The following PFKFB3 variants were observed in gnomAD, a reference collection of about 807,000 sequenced individuals.
PFKFB3 encodes the protein 6-phosphofructo-2-kinase/fructose-2,6-biphosphatase 3.
In PFKFB3, 33 loss-of-function variants were observed where a neutral mutation model predicts 68.0. The observed-to-expected ratio is 0.49, with a 90% CI of 0.37 to 0.65. The LOEUF is 0.65. PFKFB3 is among the 30% of genes least tolerant of loss of function. The pLI is 0.00. For synonymous variants in PFKFB3, 315 were observed against 288.2 expected (o/e 1.09, Z -0.94); for missense variants, 586 against 712.2 (o/e 0.82, Z 2.02).
intron 1 of PFKFB3, among the ~76,000 whole-genome samples, chr10:6,148,323 C>G (rs1841463345): frequency 2.0e-5 from 3 of 152,228 alleles, no homozygotes; most frequent in Admixed American, 2.0e-4. Flanking sequence ...AGAATGGAGC[C>G]AGAGGGACTT....
At chr10:6,280,522 G>A in the PFKFB3 span, among the ~76,000 whole-genome samples, 12 of 152,206 alleles carry the variant, frequency 7.9e-5, no homozygotes, top group African/African-American at 2.9e-4. Context: ...ATCGTGTAAT[G>A]TCTTTTGTCA....
At chr10:6,218,874 C>G (rs538684175) in intron 6 of PFKFB3, among the ~76,000 whole-genome samples, 3 of 152,198 alleles carry the variant, frequency 2.0e-5, no homozygotes, top group Non-Finnish European at 4.4e-5. Context: ...CCGACTGACT[C>G]GATCTTTGAA....
intron 13 of PFKFB3, chr10:6,224,678 G>C (rs763386508): frequency 3.0e-6 from 1 of 334,058 alleles, no homozygotes; most frequent in African/African-American, 2.2e-5. Context: ...TAGATAATGG[G>C]GTCTCACTGT....
chr10:6,175,469 G>A (rs1842435785), intron 1 of PFKFB3, among the ~76,000 whole-genome samples: 1 of 152,242 alleles, frequency 6.6e-6, no homozygotes, highest in African/African-American at 2.4e-5. Context: ...ATCCCCGTAT[G>A]ACAGATGGCA....
the PFKFB3 span, among the ~76,000 whole-genome samples, chr10:6,260,136 G>A: frequency 9.5e-4 from 145 of 152,202 alleles, 1 homozygote; most frequent in East Asian, 0.026. Context: ...AACATTGGCC[G>A]GGCACGGTGG....
intron 1 of PFKFB3, among the ~76,000 whole-genome samples, chr10:6,160,429 A>G (rs188282524): frequency 2.0e-5 from 3 of 152,344 alleles, no homozygotes; most frequent in Non-Finnish European, 2.9e-5. Context: ...TTACAAGATC[A>G]GCAGTTTCCT....
rs149440067 is a variant in PFKFB3 at position 6,251,893 on chromosome 10, G to A, written c.1516-2285G>A. Among the ~76,000 whole-genome samples, 721 of 152,198 alleles carry A rather than the reference G, an allele frequency of 4.7e-3. 6 individuals carry two copies. The highest frequency in any genetic ancestry group is 0.016 in the African/African-American group (683 of 41,506). On this transcript the variant is annotated intron_variant, in intron 14 of 14. Coordinates refer to the PFKFB3 transcript ENST00000640683. ...TGAGCCAGGAGAATCACTTGAACCC[G>A]GAAGGTGGAAATTGCAGTGAGCCAA... is the stretch of plus-strand genomic sequence containing the variant.
chr10:6,217,425 G>C (rs1185689401), intron 6 of PFKFB3, among the ~76,000 whole-genome samples: 4 of 152,238 alleles, frequency 2.6e-5, no homozygotes, highest in Non-Finnish European at 4.4e-5. Flanking sequence ...TGGATGGGAC[G>C]TAGGAAATAA....
At chr10:6,200,934 C>T (rs1843327024), upstream of PFKFB3, among the ~76,000 whole-genome samples, 1 of 152,188 alleles carries the variant, frequency 6.6e-6, no homozygotes, top group African/African-American at 2.4e-5. Context: ...GGGCAGACGC[C>T]GTCTCTCTGC....
intron 1 of PFKFB3, among the ~76,000 whole-genome samples, chr10:6,209,691 C>G (rs1275741642): frequency 3.3e-5 from 5 of 151,380 alleles, no homozygotes; most frequent in Admixed American, 3.3e-4. Context: ...TTTCGAACTC[C>G]TGACCTCAGG....
chr10:6,301,636 C>G, the PFKFB3 span, among the ~76,000 whole-genome samples: 1 of 152,176 alleles, frequency 6.6e-6, no homozygotes, highest in Non-Finnish European at 1.5e-5. Context: ...ATGGATGTAA[C>G]TGATGACAAC....
At chr10:6,310,834 A>G in the PFKFB3 span, among the ~76,000 whole-genome samples, 1 of 152,226 alleles carries the variant, frequency 6.6e-6, no homozygotes, top group Admixed American at 6.5e-5. Flanking sequence ...TCAGAAAATA[A>G]GAAAGAGATA....
In PFKFB3 at chr10:6,216,000, C is replaced by T. The variant is rs12267359; in HGVS notation, c.300-125C>T. ...CCTGAGGGGTGCTGGCCAGCCTGCC[C>T]AGCGCTAAGCAGTGTAGAATGGAAC... On this transcript the variant is annotated intron_variant, in intron 3 of 14. Transcript: ENST00000379775. The surrounding 1 kb of genome is among the most constrained non-coding windows in gnomAD (Gnocchi z 4.3). The T allele has an allele frequency of 5.4e-6, 5 of 929,964 alleles. No individual in the cohort carries two copies. The African/African-American group carries it at 8.0e-5, about 15-fold the overall frequency. The allele number at this position is 929,964 out of a possible 1,614,324, so 57.6% of individuals were successfully genotyped here.
the PFKFB3 span, among the ~76,000 whole-genome samples, chr10:6,325,983 G>A: frequency 2.6e-5 from 4 of 152,186 alleles, no homozygotes; most frequent in East Asian, 1.9e-4. Flanking sequence ...ATAATACCAC[G>A]TTCAAGAGGC....
chr10:6,212,269 C>T (rs933909593), intron 1 of PFKFB3, among the ~76,000 whole-genome samples: 1 of 152,226 alleles, frequency 6.6e-6, no homozygotes, highest in Non-Finnish European at 1.5e-5. Context: ...ACTCCCAGGG[C>T]CAGGCGACAG....
intron 14 of PFKFB3, 155 bp downstream of exon 14, chr10:6,226,520 T>TG: frequency 1.5e-6 from 1 of 651,670 alleles, no homozygotes. Context: ...ACGTGTGTTG[T>TG]GGGGGCATGT....
intron 1 of PFKFB3, among the ~76,000 whole-genome samples, chr10:6,149,133 T>C (rs1841494382): frequency 1.3e-5 from 2 of 152,168 alleles, no homozygotes; most frequent in Non-Finnish European, 2.9e-5. Flanking sequence ...TCTCAGGTGA[T>C]GGAGGCGTGG....
At chr10:6,291,891 C>G in the PFKFB3 span, among the ~76,000 whole-genome samples, 1 of 150,876 alleles carries the variant, frequency 6.6e-6, no homozygotes, top group Non-Finnish European at 1.5e-5. Context: ...CAATCATCAC[C>G]ATCTCTTACA....
At chr10:6,181,207 G>C (rs1842703971) in intron 1 of PFKFB3, among the ~76,000 whole-genome samples, 1 of 151,454 alleles carries the variant, frequency 6.6e-6, no homozygotes, top group East Asian at 1.9e-4. Flanking sequence ...GTTTTGTAGA[G>C]ATAAAGTCTT....
Sources: gnomAD v4.1 joint callset for allele counts (sites outside exome capture counted in the v4.1 genomes callset) on GRCh38, gnomAD v4.1.1 for gene constraint, Gnocchi (gnomAD v3.1) non-coding constraint, MANE v1.5 for transcripts, NCBI Gene and HGNC (gene_info 2026-07-23, HGNC 2026-07-21) for gene names.